The following GLIS1 variants were observed in gnomAD, a reference collection of about 807,000 sequenced individuals.
The protein encoded by GLIS1 is zinc finger protein GLIS1.
Under a neutral mutation model 63.8 loss-of-function variants are expected in GLIS1, and 24 were observed. The observed-to-expected ratio is 0.38, with a 90% CI of 0.27 to 0.53. The LOEUF (loss-of-function observed/expected upper bound fraction) is 0.53. GLIS1 is among the 20% of genes least tolerant of loss of function. GLIS1 has a pLI of 0.85. For missense variants in GLIS1, 1,036 were observed against 1,074.1 expected, an observed-to-expected ratio of 0.96 and a Z score of 0.50; for synonymous variants, 450 against 482.5, an observed-to-expected ratio of 0.93 and a Z score of 0.88.
intron 2 of GLIS1, among the ~76,000 whole-genome samples, chr1:53,704,661 GC>G (rs1265873150): frequency 6.6e-6 from 1 of 152,198 alleles, no homozygotes; most frequent in African/African-American, 2.4e-5. Context: ...ATCTCAGGGA[GC>G]CCAGGGTCTC....
intron 2 of GLIS1, among the ~76,000 whole-genome samples, chr1:53,644,983 G>T (rs951573685): frequency 2.0e-5 from 3 of 152,208 alleles, no homozygotes; most frequent in Admixed American, 6.5e-5. Context: ...CACTTAATCT[G>T]AATTGATCAC....
In GLIS1 at chr1:53,738,043, C is replaced by A; in HGVS notation, c.22G>T (p.Ala8Ser). 8.1e-7 allele frequency: 1 copy of A among 1,230,614 alleles called. No individual in the cohort carries two copies. Among genetic ancestry groups the A allele is most frequent in the Non-Finnish European group, 1.0e-6 (1 of 987,192 alleles). The allele number at this position is 1,230,614 out of a possible 1,614,324, so 76.2% of individuals were successfully genotyped here. The change falls in exon 2 of 11, where the codon GCA (alanine) becomes TCA (serine). Residue 8 changes from alanine to serine, a missense_variant. Ala to Ser is a moderately conservative substitution (Grantham distance 99). This residue lies in a region of GLIS1 where 592 missense variants were observed against 593.9 expected (regional missense o/e 1.00). Transcript: ENST00000628545. ...TCCTTAGGCCTCTTGTCCGAGTGTGCCTCAGCCACCTCGCAATGCATGGCG... is the reference window on the plus strand; with the variant it reads ...TCCTTAGGCCTCTTGTCCGAGTGTGACTCAGCCACCTCGCAATGCATGGCG... MHCEVAE[A>S]HSDKRPKEAP... is the part of the protein sequence containing the mutation.
At chr1:53,536,752 A>T (rs1298632876) in intron 4 of GLIS1, among the ~76,000 whole-genome samples, 6 of 152,164 alleles carry the variant, frequency 3.9e-5, no homozygotes, top group Non-Finnish European at 8.8e-5. Flanking sequence ...ACCAGGCGTC[A>T]CAGGTTCCAT....
chr1:53,558,130 C>T (rs993575584), intron 4 of GLIS1, among the ~76,000 whole-genome samples: 9 of 152,192 alleles, frequency 5.9e-5, no homozygotes, highest in Admixed American at 2.6e-4. Context: ...GTCAAACACA[C>T]GCAACGTGCA....
chr1:53,583,743 G>A lies in GLIS1; in HGVS notation c.1320+10365C>T, dbSNP rs559285707. On this transcript the variant is annotated intron_variant, in intron 4 of 10. Coordinates refer to ENST00000628545, the MANE Select transcript of GLIS1 (RefSeq NM_001367484.1). ...TCACAAGAATGTATTGCGAGGAGGA[G>A]GGGCCGGGAAAGTCGGTGCCTTAAT... is the stretch of plus-strand genomic sequence containing the variant. 3.3e-5 allele frequency among the ~76,000 whole-genome samples: 5 copies of A among 152,346 alleles called. No homozygotes were observed. The East Asian group carries it at 9.6e-4, about 29-fold the overall frequency.
At chr1:53,597,965 G>C (rs530620824) in intron 3 of GLIS1, among the ~76,000 whole-genome samples, 1 of 152,282 alleles carries the variant, frequency 6.6e-6, no homozygotes, top group South Asian at 2.1e-4. Flanking sequence ...TCTACCCTGA[G>C]AGATAATAGA....
At chr1:53,638,674 G>A (rs763935298) in intron 2 of GLIS1, among the ~76,000 whole-genome samples, 55 of 152,278 alleles carry the variant, frequency 3.6e-4, no homozygotes, top group Non-Finnish European at 5.4e-4. Flanking sequence ...TGCACATCCC[G>A]TGAGGACCTG....
rs769853514 is a variant in GLIS1, at chr1:53,524,871, T to C, written c.1499A>G (p.Gln500Arg). The C allele has an allele frequency of 6.2e-7, 1 of 1,610,984 alleles. No individual in the cohort carries two copies. The highest frequency in any genetic ancestry group is 1.7e-5 in the Admixed American group (1 of 59,994). The change falls in exon 6 of 11, where the codon CAG (glutamine) becomes CGG (arginine). Residue 500 changes from glutamine (Q) to arginine (R), a missense_variant. By Grantham distance (43) the Gln-to-Arg change is conservative. Coordinates refer to ENST00000628545, the MANE Select transcript of GLIS1 (RefSeq NM_001367484.1). The stretch of plus-strand genomic sequence containing the variant: ...GTAGCGCTTGGAGCAGCCAGGGATC[T>C]GACAGGCGTACGGCTTCTGTAACAT... ...THLDTKPYAC[Q>R]IPGCSKRYTD...
intron 2 of GLIS1, among the ~76,000 whole-genome samples, chr1:53,670,256 C>T (rs1156554471): frequency 6.6e-5 from 10 of 152,160 alleles, no homozygotes; most frequent in Non-Finnish European, 1.5e-5. Context: ...AAGCACCTGG[C>T]CAAACAGAGA....
intron 2 of GLIS1, among the ~76,000 whole-genome samples, chr1:53,640,362 GGA>G (rs1645773313): frequency 1.3e-5 from 2 of 150,086 alleles, no homozygotes; most frequent in African/African-American, 4.8e-5. Context: ...CCAAATGGGA[GGA>G]ATATAAAAAG....
chr1:53,513,382 C>T (rs1644317855), intron 8 of GLIS1, among the ~76,000 whole-genome samples: 1 of 152,194 alleles, frequency 6.6e-6, no homozygotes, highest in African/African-American at 2.4e-5. Context: ...CGAGTCTCAT[C>T]CCAGGCCTTG....
chr1:53,645,756 A>G (rs1042855514), intron 2 of GLIS1, among the ~76,000 whole-genome samples: 1 of 152,254 alleles, frequency 6.6e-6, no homozygotes, highest in Non-Finnish European at 1.5e-5. Context: ...ACTGGTGCTC[A>G]GAGAAGCTAA....
intron 2 of GLIS1, among the ~76,000 whole-genome samples, chr1:53,708,384 T>C (rs1646603788): frequency 6.6e-6 from 1 of 152,124 alleles, no homozygotes. Flanking sequence ...CCTGACAGGA[T>C]TGTCACAAGG....
At chr1:53,672,810 A>T (rs1030064632) in intron 2 of GLIS1, among the ~76,000 whole-genome samples, 34 of 152,148 alleles carry the variant, frequency 2.2e-4, no homozygotes, top group Admixed American at 7.9e-4. Flanking sequence ...GCCCCACAGC[A>T]CCCAGCTCAG....
At chr1:53,523,097 C>A (rs541232407) in intron 6 of GLIS1, among the ~76,000 whole-genome samples, 1 of 150,620 alleles carries the variant, frequency 6.6e-6, no homozygotes, top group Non-Finnish European at 1.5e-5. Flanking sequence ...GAGTAGCTGG[C>A]GAGCTAGGGC....
chr1:53,655,298 A>G (rs547214468), intron 2 of GLIS1, among the ~76,000 whole-genome samples: 13 of 152,342 alleles, frequency 8.5e-5, no homozygotes, highest in African/African-American at 3.1e-4. Context: ...CTGAGGTTTG[A>G]TAATCACTGC....
At chr1:53,549,523 C>A (rs1644738020) in intron 4 of GLIS1, among the ~76,000 whole-genome samples, 1 of 152,194 alleles carries the variant, frequency 6.6e-6, no homozygotes, top group South Asian at 2.1e-4. Flanking sequence ...TTCCTGCTGG[C>A]TAATGTTGAG....
At chr1:53,547,155 T>C (rs775543642) in intron 4 of GLIS1, among the ~76,000 whole-genome samples, 1 of 152,144 alleles carries the variant, frequency 6.6e-6, no homozygotes, top group Non-Finnish European at 1.5e-5. Context: ...AGGTCTGAGT[T>C]GAAAGGGATG....
At chr1:53,629,995 T>C (rs926038817) in intron 2 of GLIS1, among the ~76,000 whole-genome samples, 1 of 152,212 alleles carries the variant, frequency 6.6e-6, no homozygotes, top group Admixed American at 6.5e-5. Flanking sequence ...AATTCCATAA[T>C]TGCATCTCCC....
Sources: gnomAD v4.1 joint callset for allele counts (sites outside exome capture counted in the v4.1 genomes callset) on GRCh38, gnomAD v4.1.1 for gene constraint, gnomAD v4.1.1 regional missense constraint, MANE v1.5 for transcripts, NCBI Gene and HGNC (gene_info 2026-07-23, HGNC 2026-07-21) for gene names.